The following TARBP1 variants were observed in gnomAD, a reference collection of about 807,000 sequenced individuals.
TARBP1 encodes the protein tRNA (guanosine(18)-2'-O)-methyltransferase TARBP1.
TARBP1 carries 144 observed loss-of-function variants against 178.6 expected under a neutral mutation model. The observed-to-expected ratio is 0.81, with a 90% CI of 0.70 to 0.93. The LOEUF is 0.93. Among genes scored for constraint, TARBP1 ranks in the 40% least tolerant of loss-of-function variants. The pLI, the probability that TARBP1 is intolerant of heterozygous loss-of-function variation, is 0.00. For synonymous variants in TARBP1, 787 were observed against 781.0 expected (o/e 1.01, Z -0.13); for missense variants, 2,067 against 2,011.7 (o/e 1.03, Z -0.53).
chr1:234,443,976 T>C (rs149068229), intron 12 of TARBP1, among the ~76,000 whole-genome samples: 11 of 152,126 alleles, frequency 7.2e-5, no homozygotes, highest in Non-Finnish European at 1.3e-4. Context: ...AATGGGGAAT[T>C]AGTGTTTCAC....
intron 9 of TARBP1, among the ~76,000 whole-genome samples, chr1:234,455,956 A>T (rs1247576381): frequency 6.6e-6 from 1 of 152,224 alleles, no homozygotes; most frequent in Non-Finnish European, 1.5e-5. Context: ...AAAAACAGTG[A>T]TCAGAGTAAT....
At chr1:234,441,359 G>A (rs1028785669) in intron 12 of TARBP1, among the ~76,000 whole-genome samples, 1 of 152,140 alleles carries the variant, frequency 6.6e-6, no homozygotes, top group Admixed American at 6.5e-5. Flanking sequence ...AAAGGTAAAG[G>A]AACTAGAATA....
chr1:234,424,151 A>C (rs1489767551), intron 20 of TARBP1, among the ~76,000 whole-genome samples: 1 of 152,218 alleles, frequency 6.6e-6, no homozygotes, highest in Non-Finnish European at 1.5e-5. Flanking sequence ...TCCTGTTTTA[A>C]CAGAGGGACT....
intron 12 of TARBP1, among the ~76,000 whole-genome samples, chr1:234,441,566 A>G (rs999229168): frequency 6.6e-6 from 1 of 152,224 alleles, no homozygotes; most frequent in Admixed American, 6.5e-5. Context: ...GAATTCACAG[A>G]GCATTCAATT....
At chr1:234,439,401 T>C (rs893501620) in intron 12 of TARBP1, among the ~76,000 whole-genome samples, 5 of 152,140 alleles carry the variant, frequency 3.3e-5, no homozygotes, top group African/African-American at 7.2e-5. Flanking sequence ...GTGGTAAATA[T>C]TAATTCCAAA....
chr1:234,393,631 A>G lies in TARBP1; in HGVS notation c.4435+15T>C, dbSNP rs145675690. ...AAAGCTTTCAGGCAAAGCTCCCAGA[A>G]AACTCCAACTTTACCTCCTAAATTG... On this transcript the variant is annotated intron_variant, in intron 27 of 29. Transcript: ENST00000040877. The G allele has an allele frequency of 2.7e-5, 43 of 1,594,180 alleles. No individual in the cohort carries two copies. Among genetic ancestry groups the G allele is most frequent in the Middle Eastern group, 1.7e-4 (1 of 5,972 alleles).
At position 234,433,533 on chromosome 1, in the gene TARBP1, C is replaced by T. The variant is rs1339430814; in HGVS notation, c.2271G>A (p.Val757=). ...AATGCAGATTTATAAGCTCAGTTAA[C>T]ACCATCAGGTATAAATGGCAACGAT... ...DLDRCHLYLM[V]LTELINLHLK... is the part of the protein sequence containing the mutation. The change falls in exon 14 of 30, where the codon GTG becomes GTA. Residue 757 remains valine, a synonymous_variant. Coordinates refer to ENST00000040877, the MANE Select transcript of TARBP1 (RefSeq NM_005646.4). The T allele has an allele frequency of 1.2e-6, 2 of 1,613,940 alleles. No homozygotes were observed. Among genetic ancestry groups the T allele is most frequent in the African/African-American group, 1.3e-5 (1 of 75,024 alleles).
intron 6 of TARBP1, among the ~76,000 whole-genome samples, chr1:234,461,626 T>A (rs556584364): frequency 2.6e-5 from 4 of 152,308 alleles, no homozygotes; most frequent in South Asian, 4.1e-4. Flanking sequence ...TAAAATTGTT[T>A]ATGATTAGAA....
At chr1:234,417,083 G>A (rs969515406) in intron 22 of TARBP1, among the ~76,000 whole-genome samples, 15 of 152,234 alleles carry the variant, frequency 9.9e-5, no homozygotes, top group Non-Finnish European at 1.5e-4. Flanking sequence ...CTACCAATGC[G>A]AAGGCGTGAA....
intron 1 of TARBP1, among the ~76,000 whole-genome samples, chr1:234,475,969 G>A (rs187268390): frequency 6.6e-6 from 1 of 151,204 alleles, no homozygotes; most frequent in Non-Finnish European, 1.5e-5. Flanking sequence ...CAAAGTAACG[G>A]TGCCTATCCC....
chr1:234,435,556 G>A (rs941829510), intron 13 of TARBP1, among the ~76,000 whole-genome samples: 4 of 152,172 alleles, frequency 2.6e-5, no homozygotes, highest in African/African-American at 9.7e-5. Context: ...GAGAAAAGTA[G>A]TAGTTGAAAA....
At chr1:234,440,827 TGTGTAA>T (rs201653434) in intron 12 of TARBP1, among the ~76,000 whole-genome samples, 3,568 of 151,830 alleles carry the variant, frequency 0.024, 57 homozygotes, top group South Asian at 0.062. Context: ...TTACAAAACC[TGTGTAA>T]GATCTATACG....
At chr1:234,399,012 T>C (rs1660414380) in intron 25 of TARBP1, among the ~76,000 whole-genome samples, 1 of 152,248 alleles carries the variant, frequency 6.6e-6, no homozygotes, top group Admixed American at 6.5e-5. Context: ...TAATTAGTTA[T>C]GTGACGTTAG....
Position 234,401,263 on chromosome 1 carries a change from C to T in TARBP1, c.3990-1G>A. 1.2e-6 allele frequency: 2 copies of T among 1,610,958 alleles called. No homozygotes were observed. The highest frequency in any genetic ancestry group is 1.7e-6 in the Non-Finnish European group (2 of 1,178,182). On this transcript the variant is annotated splice_acceptor_variant, in intron 24 of 29. Coordinates refer to ENST00000040877, the MANE Select transcript of TARBP1 (RefSeq NM_005646.4). LOFTEE classifies it high-confidence loss of function. ...GCGTTGCCAATTCTTCTTGGCATTC[C>T]TAAGGATTAAAAATATGGTATGAGC...
intron 14 of TARBP1, among the ~76,000 whole-genome samples, chr1:234,430,998 C>T (rs770887965): frequency 2.0e-5 from 3 of 152,102 alleles, no homozygotes; most frequent in Admixed American, 6.5e-5. Context: ...GAACTCTACA[C>T]GTAGGAAAGG....
rs1468053511 is a variant in TARBP1, at chr1:234,478,203, CG to C, written c.900del (p.Asp301ThrfsTer26). On this transcript the variant is annotated frameshift_variant, in exon 1 of 30. Transcript: ENST00000040877. LOFTEE classifies it high-confidence loss of function. Reference protein sequence around the residue: ...RAVEVSAELGADCTCGPQEGN... With the variant: ...RAVEVSAELGXDCTCGPQEGN... ...CCTTCCTGGGGCCCGCAGGTGCAGTCGGCCCCCAGCTCCGCCGACACCTCCA... is the reference window on the plus strand; with the variant it reads ...CCTTCCTGGGGCCCGCAGGTGCAGTCGCCCCCAGCTCCGCCGACACCTCCA... The C allele has an allele frequency of 1.2e-6, 2 of 1,611,812 alleles. No homozygotes were observed. The highest frequency in any genetic ancestry group is 1.7e-6 in the Non-Finnish European group (2 of 1,179,568).
At chr1:234,459,189 A>G (rs1261812252) in intron 8 of TARBP1, 41 bp downstream of exon 8, 5 of 1,530,670 alleles carry the variant, frequency 3.3e-6, no homozygotes, top group Admixed American at 3.6e-5. Context: ...CCCACTCACT[A>G]AGAAAGACTT....
chr1:234,476,591 C>T (rs1371209282), intron 1 of TARBP1, among the ~76,000 whole-genome samples: 1 of 152,064 alleles, frequency 6.6e-6, no homozygotes. Context: ...TAGAAAGAAC[C>T]GAACACATTT....
Position 234,398,530 on chromosome 1 carries a change from G to T in TARBP1, c.4095C>A (p.Arg1365=), listed in dbSNP as rs749855613. The part of the protein sequence containing the change: ...CLETIFYILP[R]LSGLIEDEWI... ...ATTCATCTTCAATAAGGCCTGAAAG[G>T]CGTGGAAGGATGTAAAATATGGTCT... The change falls in exon 26 of 30, where the codon CGC becomes CGA. Residue 1365 remains arginine, a synonymous_variant. Transcript: ENST00000040877. The T allele has an allele frequency of 7.5e-6, 12 of 1,593,636 alleles. No individual in the cohort carries two copies. The highest frequency in any genetic ancestry group is 9.4e-6 in the Non-Finnish European group (11 of 1,167,734).
Sources: gnomAD v4.1 joint callset for allele counts (sites outside exome capture counted in the v4.1 genomes callset) on GRCh38, gnomAD v4.1.1 for gene constraint, MANE v1.5 for transcripts, NCBI Gene and HGNC (gene_info 2026-07-23, HGNC 2026-07-21) for gene names.